GPCPD1: variants seen among roughly 807,000 people sequenced by gnomAD.
GPCPD1 encodes the protein glycerophosphocholine phosphodiesterase 1, also known as glycerophosphocholine phosphodiesterase GPCPD1.
In GPCPD1, 29 loss-of-function variants were observed where a neutral mutation model predicts 89.2. The observed-to-expected ratio is 0.33, with a 90% CI of 0.24 to 0.44. The LOEUF (loss-of-function observed/expected upper bound fraction) is 0.44. GPCPD1 is among the 20% of genes least tolerant of loss of function. The probability of loss-of-function intolerance (pLI) is 1.00; values close to 1 mark genes in which losing one functional copy is unlikely to be tolerated. For missense variants in GPCPD1, 594 were observed against 808.9 expected (o/e 0.73, Z 3.22); for synonymous variants, 258 against 266.3 (o/e 0.97, Z 0.30).
At chr20:5,584,204 C>T (rs1281593542) in intron 6 of GPCPD1, 77 bp downstream of exon 6, 2 of 750,726 alleles carry the variant, frequency 2.7e-6, no homozygotes, top group African/African-American at 3.5e-5. Flanking sequence ...TTTTCCTGTG[C>T]TATATAACTC....
At chr20:5,555,589 G>A (rs564274566) in intron 19 of GPCPD1, among the ~76,000 whole-genome samples, 163 of 152,200 alleles carry the variant, frequency 1.1e-3, no homozygotes, top group African/African-American at 3.7e-3. Context: ...GGGCGCGGTG[G>A]CTCACACCTG....
At chr20:5,570,426 C>CAAAAAA (rs36030193) in intron 11 of GPCPD1, among the ~76,000 whole-genome samples, 187 bp from the exon 12 acceptor site, 5 of 86,034 alleles carry the variant, frequency 5.8e-5, no homozygotes, top group Non-Finnish European at 8.9e-5. Context: ...TTTTTCCTGG[C>CAAAAAA]AAAAAAAAAA....
chr20:5,596,044 CAA>C (rs1323051541), intron 3 of GPCPD1, among the ~76,000 whole-genome samples: 1 of 152,128 alleles, frequency 6.6e-6, no homozygotes, highest in Non-Finnish European at 1.5e-5. Context: ...TAAATGAAAA[CAA>C]GAGATGAAGA....
rs570974518 is a variant in GPCPD1, at chr20:5,567,761, T to C, written c.1150-201A>G. On this transcript the variant is annotated intron_variant, in intron 12 of 19. Transcript: ENST00000379019. ...ACCTAACACCACCTCCCAGCCCTTATATTCTGGCTTTCATTTTTATTGCAG... is the reference window on the plus strand; with the variant it reads ...ACCTAACACCACCTCCCAGCCCTTACATTCTGGCTTTCATTTTTATTGCAG... 3.2e-5 allele frequency: 14 copies of C among 436,522 alleles called. No individual in the cohort carries two copies. The South Asian group carries it at 3.6e-4, about 11-fold the overall frequency. The allele number at this position is 436,522 out of a possible 1,614,324, so 27.0% of individuals were successfully genotyped here. A position where few individuals can be genotyped will look rare whatever the true frequency, so the allele number is the denominator to read the frequency against.
At chr20:5,575,091 C>CGGA (rs1464261935) in intron 10 of GPCPD1, among the ~76,000 whole-genome samples, 1 of 149,200 alleles carries the variant, frequency 6.7e-6, no homozygotes, top group African/African-American at 2.6e-5. Context: ...TTTATAGATG[C>CGGA]GGAAACTCAG....
At chr20:5,573,639 A>G (rs868577254) in intron 11 of GPCPD1, among the ~76,000 whole-genome samples, 5 of 152,136 alleles carry the variant, frequency 3.3e-5, no homozygotes, top group Admixed American at 6.5e-5. Context: ...ACTACTACGG[A>G]GGCTGAGGTG....
Position 5,578,474 on chromosome 20 carries a change from T to G in GPCPD1, c.611A>C (p.Glu204Ala). The G allele has an allele frequency of 1.2e-6, 2 of 1,613,970 alleles. No individual in the cohort carries two copies. The highest frequency in any genetic ancestry group is 2.2e-5 in the South Asian group (2 of 91,088). ...ATCAGGCTGCAAGCCATAACCACAC[T>G]CCGGCTGTGAATGCCTGCACTTGAA... ...NEFKCRHSQP[E>A]CGYGLQPDRW... is the part of the protein sequence containing the mutation. The change falls in exon 8 of 20, where the codon GAG (glutamate) becomes GCG (alanine). Residue 204 changes from glutamate (E) to alanine (A), a missense_variant. Coordinates refer to ENST00000379019, the MANE Select transcript of GPCPD1 (RefSeq NM_019593.5).
chr20:5,561,488 T>C lies in GPCPD1; in HGVS notation c.1372A>G (p.Ile458Val), dbSNP rs1302155973. 7 of 1,593,446 alleles carry C rather than the reference T, an allele frequency of 4.4e-6. No homozygotes were observed. Among genetic ancestry groups the C allele is most frequent in the Non-Finnish European group, 6.0e-6 (7 of 1,162,384 alleles). The change falls in exon 16 of 20, where the codon ATA becomes GTA. Residue 458 changes from isoleucine (I) to valine (V), a missense_variant. Coordinates refer to ENST00000379019, the MANE Select transcript of GPCPD1 (RefSeq NM_019593.5). ...ACCCTTTGCTGGCAGATCCATTTTA[T>C]TTCAATGTTAAACCCTACATCTTCT... The part of the protein sequence containing the change: ...LPEDVGFNIE[I>V]KWICQQRDGM...
At chr20:5,610,501 G>C (rs4815842) in intron 1 of GPCPD1, among the ~76,000 whole-genome samples, 15,651 of 152,018 alleles carry the variant, frequency 0.1, 1,445 homozygotes, top group African/African-American at 0.24. Context: ...TTTGTTCCCC[G>C]ACTCAGTACT....
chr20:5,589,401 C>G (rs1010772149), intron 4 of GPCPD1, among the ~76,000 whole-genome samples: 1 of 152,118 alleles, frequency 6.6e-6, no homozygotes, highest in African/African-American at 2.4e-5. Context: ...CACCTGAGGT[C>G]GGGAGTTAGA....
chr20:5,549,502 C>A (rs1325920203), intron 19 of GPCPD1: 1 of 1,154,856 alleles, frequency 8.7e-7, no homozygotes, highest in Non-Finnish European at 1.3e-6. Context: ...TCTGAGTATT[C>A]TTCTGAGTAT....
intron 11 of GPCPD1, among the ~76,000 whole-genome samples, chr20:5,571,480 T>C (rs1293411100): frequency 1.3e-5 from 2 of 152,208 alleles, no homozygotes; most frequent in African/African-American, 2.4e-5. Context: ...TTCATAGATA[T>C]GTATTTAACA....
chr20:5,563,356 A>G (rs1986201531), intron 15 of GPCPD1, among the ~76,000 whole-genome samples: 2 of 152,166 alleles, frequency 1.3e-5, no homozygotes, highest in South Asian at 4.1e-4. Flanking sequence ...ATTTGACTAA[A>G]AGGCTGTCAA....
intron 15 of GPCPD1, among the ~76,000 whole-genome samples, chr20:5,563,191 G>A (rs1170083524): frequency 6.6e-6 from 1 of 152,096 alleles, no homozygotes; most frequent in Non-Finnish European, 1.5e-5. Context: ...ATGTTAGCCA[G>A]GATGATCTTG....
intron 15 of GPCPD1, among the ~76,000 whole-genome samples, chr20:5,562,494 C>T (rs1287896553): frequency 6.6e-6 from 1 of 152,166 alleles, no homozygotes; most frequent in Non-Finnish European, 1.5e-5. Context: ...GTTGACTAGG[C>T]CAGTCTGAAA....
At chr20:5,579,130 A>C (rs1978316827) in intron 7 of GPCPD1, among the ~76,000 whole-genome samples, 1 of 152,136 alleles carries the variant, frequency 6.6e-6, no homozygotes, top group African/African-American at 2.4e-5. Context: ...GGTTGCAGTG[A>C]GCCGAGATTG....
intron 3 of GPCPD1, among the ~76,000 whole-genome samples, chr20:5,597,608 C>T (rs1420579704): frequency 1.3e-5 from 2 of 152,208 alleles, no homozygotes; most frequent in African/African-American, 2.4e-5. Context: ...ATCACCTAAT[C>T]GGGCACTGGA....
rs201953819 is a variant in GPCPD1, at chr20:5,573,086, CTTTT to C, written c.1056+825_1056+828del. On this transcript the variant is annotated intron_variant, in intron 11 of 19. Coordinates refer to ENST00000379019, the MANE Select transcript of GPCPD1 (RefSeq NM_019593.5). ...TAAAATCACCATCAAATCTTTCCTT[CTTTT>C]TTTTTTTTTGAGACTGAGTCTCACT... is the stretch of plus-strand genomic sequence containing the variant. Among the ~76,000 whole-genome samples, 173 of 144,212 alleles carry C rather than the reference CTTTT, an allele frequency of 1.2e-3. 1 individual carries two copies. The highest frequency in any genetic ancestry group is 4.4e-4 in the Non-Finnish European group (29 of 65,970). 94.6% of individuals were successfully genotyped at this position (144,212 alleles called of 152,430 possible). A position where few individuals can be genotyped will look rare whatever the true frequency, so the allele number is the denominator to read the frequency against.
At chr20:5,607,144 G>A (rs1171941602) in intron 1 of GPCPD1, among the ~76,000 whole-genome samples, 3 of 152,172 alleles carry the variant, frequency 2.0e-5, no homozygotes, top group East Asian at 3.9e-4. Flanking sequence ...AAAATTGGCT[G>A]GGCATGGTGG....
Sources: allele counts gnomAD v4.1 joint callset (sites outside exome capture counted in the v4.1 genomes callset), GRCh38; gene constraint gnomAD v4.1.1; transcripts MANE v1.5; gene names NCBI Gene and HGNC (gene_info 2026-07-23, HGNC 2026-07-21).